COL14A1: variants seen among roughly 807,000 people sequenced by gnomAD.
COL14A1 encodes collagen type XIV alpha 1 chain.
Under a neutral mutation model 230.3 loss-of-function variants are expected in COL14A1, and 136 were observed. The ratio of observed to expected loss-of-function variants is 0.59; its 90% confidence interval spans 0.51 to 0.68. COL14A1 has a LOEUF of 0.68. Among genes scored for constraint, COL14A1 ranks in the 30% least tolerant of loss-of-function variants. COL14A1 has a pLI of 0.00. For synonymous variants in COL14A1, 792 were observed against 784.1 expected, an observed-to-expected ratio of 1.01 and a Z score of -0.17; for missense variants, 1,976 against 2,215.8, an observed-to-expected ratio of 0.89 and a Z score of 2.17.
intron 40 of COL14A1, among the ~76,000 whole-genome samples, chr8:120,326,310 A>G (rs1408956505): frequency 6.6e-6 from 1 of 152,230 alleles, no homozygotes; most frequent in Non-Finnish European, 1.5e-5. Flanking sequence ...GGAACTCTAT[A>G]GTCTCTCAGC....
chr8:120,195,246 A>T (rs777633458), intron 5 of COL14A1, among the ~76,000 whole-genome samples: 1 of 151,398 alleles, frequency 6.6e-6, no homozygotes, highest in Non-Finnish European at 1.5e-5. Context: ...TAGTTCAACT[A>T]TTTTTTTTTA....
In COL14A1 at chr8:120,147,910, G is replaced by C. The variant is rs945655645; in HGVS notation, c.68G>C (p.Cys23Ser). 3.1e-6 allele frequency: 5 copies of C among 1,613,402 alleles called. No homozygotes were observed. Among genetic ancestry groups the C allele is most frequent in the Non-Finnish European group, 4.2e-6 (5 of 1,179,574 alleles). ...LPPFLAIVYF[C>S]TIVQGQVAPP... is the part of the protein sequence containing the mutation. ...CCTTTTTTGGCAATTGTTTATTTCTGCACCATTGTCCAAGGTCAAGGTAAT... is the reference window on the plus strand; with the variant it reads ...CCTTTTTTGGCAATTGTTTATTTCTCCACCATTGTCCAAGGTCAAGGTAAT... Residue 23 changes from cysteine (C) to serine (S), a missense_variant, in exon 2 of 48, where the codon TGC becomes TCC. Coordinates refer to ENST00000297848, the MANE Select transcript of COL14A1 (RefSeq NM_021110.4).
chr8:120,140,587 G>A (rs1044595677), intron 1 of COL14A1, among the ~76,000 whole-genome samples: 2 of 152,084 alleles, frequency 1.3e-5, no homozygotes, highest in Non-Finnish European at 2.9e-5. Flanking sequence ...AGTCACCAAC[G>A]ATTGAATACA....
chr8:120,288,488 T>C (rs1033188095), intron 33 of COL14A1, among the ~76,000 whole-genome samples: 1 of 152,174 alleles, frequency 6.6e-6, no homozygotes, highest in African/African-American at 2.4e-5. Context: ...GAGGACATTA[T>C]TTCATTGACA....
chr8:120,196,793 G>C lies in COL14A1; in HGVS notation c.439G>C (p.Val147Leu). Reference protein sequence around the residue: ...NGSRPSSPEEVKFVCQTPAIA... With the variant: ...NGSRPSSPEELKFVCQTPAIA... Reference sequence around the variant, plus strand: ...CTTTTCTGGTTTGTGCTTTGCAGAAGTGAAATTTGTCTGTCAAACTCCAGC... The same window carrying C: ...CTTTTCTGGTTTGTGCTTTGCAGAACTGAAATTTGTCTGTCAAACTCCAGC... The change falls in exon 6 of 48, where the codon GTG becomes CTG. Residue 147 changes from valine to leucine, a missense_variant and splice_region_variant. Around this residue, in one of 3 missense-constraint regions of COL14A1, gnomAD observed 181 missense variants for 178.6 expected, o/e 1.01. Coordinates refer to ENST00000297848, the MANE Select transcript of COL14A1 (RefSeq NM_021110.4). 1 of 1,613,564 alleles carries C rather than the reference G, an allele frequency of 6.2e-7. No individual in the cohort carries two copies. The highest frequency in any genetic ancestry group is 2.2e-5 in the East Asian group (1 of 44,846).
At chr8:120,360,999 A>G (rs778968368) in intron 45 of COL14A1, among the ~76,000 whole-genome samples, 1 of 152,026 alleles carries the variant, frequency 6.6e-6, no homozygotes, top group Non-Finnish European at 1.5e-5. Context: ...TGCTTCTAGT[A>G]GACAATCTCC....
At chr8:120,175,081 A>G (rs1816235370) in intron 5 of COL14A1, among the ~76,000 whole-genome samples, 1 of 152,234 alleles carries the variant, frequency 6.6e-6, no homozygotes, top group Non-Finnish European at 1.5e-5. Flanking sequence ...CAGACGTATT[A>G]TACATATTTT....
At chr8:120,340,687 G>C (rs990839607) in intron 42 of COL14A1, among the ~76,000 whole-genome samples, 1 of 152,150 alleles carries the variant, frequency 6.6e-6, no homozygotes, top group African/African-American at 2.4e-5. Context: ...TTTAATAACG[G>C]CAAGGTTTCT....
intron 1 of COL14A1, among the ~76,000 whole-genome samples, chr8:120,127,299 G>A (rs1248340345): frequency 6.6e-6 from 1 of 152,192 alleles, no homozygotes; most frequent in Non-Finnish European, 1.5e-5. Context: ...GGATCCCTGA[G>A]CCAGGATAGA....
At chr8:120,219,364 A>C (rs1424495748) in intron 14 of COL14A1, among the ~76,000 whole-genome samples, 1 of 152,176 alleles carries the variant, frequency 6.6e-6, no homozygotes, top group Non-Finnish European at 1.5e-5. Flanking sequence ...TTGGCCTCCC[A>C]AAGTGCTGGA....
rs767679736 is a variant in COL14A1, at chr8:120,158,176, T to C, written c.135T>C (p.Ser45=). 6.2e-7 allele frequency: 1 copy of C among 1,610,516 alleles called. No individual in the cohort carries two copies. Among genetic ancestry groups the C allele is most frequent in the Admixed American group, 1.7e-5 (1 of 59,686 alleles). The part of the protein sequence containing the change: ...RLRYNVISHD[S]IQISWKAPRG... ...GATATAATGTAATATCTCATGACAGTATACAGATTTCATGGAAGGCTCCAA... is the reference window on the plus strand; with the variant it reads ...GATATAATGTAATATCTCATGACAGCATACAGATTTCATGGAAGGCTCCAA... Residue 45 remains serine, a synonymous_variant, in exon 3 of 48, where the codon AGT becomes AGC. Coordinates refer to ENST00000297848, the MANE Select transcript of COL14A1 (RefSeq NM_021110.4).
intron 14 of COL14A1, among the ~76,000 whole-genome samples, chr8:120,218,317 TA>T: frequency 6.8e-6 from 1 of 146,016 alleles, no homozygotes; most frequent in South Asian, 2.1e-4. Context: ...ATCATATATA[TA>T]TACATATTTG....
chr8:120,224,757 G>A (rs1165734392), intron 14 of COL14A1, among the ~76,000 whole-genome samples: 3 of 152,154 alleles, frequency 2.0e-5, no homozygotes, highest in East Asian at 1.9e-4. Context: ...GGCCAGGAGA[G>A]CCCACGCAGT....
intron 19 of COL14A1, among the ~76,000 whole-genome samples, chr8:120,236,443 CTT>C (rs200472631): frequency 2.1e-5 from 3 of 144,292 alleles, no homozygotes; most frequent in South Asian, 2.2e-4. Context: ...GCAACCCCTG[CTT>C]TTTTTTTTTG....
intron 5 of COL14A1, among the ~76,000 whole-genome samples, chr8:120,173,278 C>G (rs1019385947): frequency 6.6e-6 from 1 of 152,032 alleles, no homozygotes; most frequent in African/African-American, 2.4e-5. Context: ...ATTTGCTAGG[C>G]GGGAACTATT....
intron 38 of COL14A1, 131 bp from the exon 39 acceptor site, chr8:120,315,402 A>G (rs1821186407): frequency 2.1e-6 from 1 of 470,234 alleles, no homozygotes; most frequent in African/African-American, 2.0e-5. Flanking sequence ...AAGTGTATAT[A>G]TATATATTCT....
At chr8:120,129,767 A>G (rs907848112) in intron 1 of COL14A1, among the ~76,000 whole-genome samples, 6 of 152,208 alleles carry the variant, frequency 3.9e-5, no homozygotes, top group African/African-American at 1.4e-4. Context: ...AGTGTCATTG[A>G]CCCTAGGCGA....
intron 14 of COL14A1, among the ~76,000 whole-genome samples, chr8:120,224,472 T>C (rs1410983981): frequency 2.0e-5 from 3 of 152,170 alleles, no homozygotes; most frequent in Non-Finnish European, 4.4e-5. Context: ...TACTTTATGG[T>C]TTCTTTTTTC....
chr8:120,138,988 A>G (rs1044815764), intron 1 of COL14A1, among the ~76,000 whole-genome samples: 33 of 152,154 alleles, frequency 2.2e-4, no homozygotes, highest in African/African-American at 8.0e-4. Flanking sequence ...CTTGCCCCCA[A>G]ATTCAGGAAT....
Sources: allele counts gnomAD v4.1 joint callset (sites outside exome capture counted in the v4.1 genomes callset), GRCh38; gene constraint gnomAD v4.1.1; regional missense constraint gnomAD v4.1.1; transcripts MANE v1.5; gene names NCBI Gene and HGNC (gene_info 2026-07-23, HGNC 2026-07-21).